Variants in SMIM9 observed in about 807,000 individuals in gnomAD.
The protein encoded by SMIM9 is chromosome X open reading frame 68.
Under a neutral mutation model 7.2 loss-of-function variants are expected in SMIM9, and 8 were observed. The ratio of observed to expected loss-of-function variants is 1.10; its 90% CI spans 0.65 to 1.99. The LOEUF (loss-of-function observed/expected upper bound fraction) is 1.99, where lower values mean the gene tolerates loss of function less well. Ranked by LOEUF, SMIM9 falls within the 30% of genes most tolerant of loss-of-function variation. The pLI is 0.00. For missense variants in SMIM9, 76 were observed against 69.3 expected (o/e 1.10, Z -0.34); for synonymous variants, 19 against 26.4 (o/e 0.72, Z 0.86).
intron 1 of SMIM9, among the ~76,000 whole-genome samples, chrX:154,833,518 G>T (rs1420975044): frequency 9.0e-6 from 1 of 111,270 alleles, no homozygotes; most frequent in African/African-American, 3.3e-5. Flanking sequence ...CCAGCTACTC[G>T]GGAGGCTGAG....
intron 1 of SMIM9, among the ~76,000 whole-genome samples, chrX:154,832,921 T>C (rs927292942): frequency 3.6e-5 from 4 of 112,509 alleles, no homozygotes; most frequent in Non-Finnish European, 7.5e-5. Context: ...AACATATATA[T>C]GTGGCATTTC....
At chrX:154,834,118 C>T (rs1416569470) in intron 1 of SMIM9, among the ~76,000 whole-genome samples, 1 of 112,543 alleles carries the variant, frequency 8.9e-6, no homozygotes, top group Non-Finnish European at 1.9e-5. Context: ...CTCATATGAG[C>T]TCCATACCCT....
chrX:154,830,453 T>C, intron 3 of SMIM9: 1 of 244,926 alleles, frequency 4.1e-6, no homozygotes, highest in Non-Finnish European at 7.3e-6. Flanking sequence ...CCATGGAAGG[T>C]TGGCATCTAT....
intron 1 of SMIM9, among the ~76,000 whole-genome samples, chrX:154,833,640 G>A (rs969276252): frequency 2.4e-4 from 26 of 109,871 alleles, no homozygotes; most frequent in African/African-American, 8.3e-4. Flanking sequence ...ATGGGTTGAT[G>A]GGTGCACCCA....
chrX:154,833,818 A>G (rs1265369400), intron 1 of SMIM9, among the ~76,000 whole-genome samples: 14 of 112,329 alleles, frequency 1.2e-4, no homozygotes, highest in African/African-American at 4.5e-4. Context: ...ATACTTATCC[A>G]TAGAAGAACT....
In SMIM9 at chrX:154,824,254, G is replaced by T. The variant is rs370439525; in HGVS notation, c.273-472C>A. ...CGCCTGTAGTCCCAGCTACTCGGGA[G>T]GCTGAGGCAGGAGAATGGCGTGAAC... On this transcript the variant is annotated intron_variant, in intron 4 of 4. Transcript: ENST00000369529. Among the ~76,000 whole-genome samples the T allele has an allele frequency of 1.1e-4, 12 of 107,660 alleles. No individual in the cohort carries two copies. The South Asian group carries it at 4.5e-3, about 41-fold the overall frequency. 93.5% of individuals were successfully genotyped at this position (107,660 alleles called of 115,157 possible). A position where few individuals can be genotyped will look rare whatever the true frequency, so the allele number is the denominator to read the frequency against.
chrX:154,824,371 A>AG (rs1270670561), intron 4 of SMIM9, among the ~76,000 whole-genome samples: 13 of 100,965 alleles, frequency 1.3e-4, no homozygotes, highest in East Asian at 5.7e-4. Flanking sequence ...AAAAAAAAAA[A>AG]AAAAAGAAAA....
intron 4 of SMIM9, among the ~76,000 whole-genome samples, chrX:154,828,384 C>G (rs1257203254): frequency 4.5e-5 from 5 of 111,490 alleles, no homozygotes; most frequent in Admixed American, 1.9e-4. Flanking sequence ...GAGAGACACA[C>G]AGCAGTCACT....
chrX:154,833,936 T>C (rs1173314642), intron 1 of SMIM9, among the ~76,000 whole-genome samples: 1 of 112,030 alleles, frequency 8.9e-6, no homozygotes, highest in Non-Finnish European at 1.9e-5. Context: ...TTTCTTGCTG[T>C]GTCATGCTAG....
At chrX:154,833,657 G>A (rs1378250040) in intron 1 of SMIM9, among the ~76,000 whole-genome samples, 13 of 109,826 alleles carry the variant, frequency 1.2e-4, no homozygotes, top group African/African-American at 3.7e-4. Flanking sequence ...CCCAACCACC[G>A]TGGCACATGT....
chrX:154,830,931 G>T lies in SMIM9; in HGVS notation c.-75C>A. 3.8e-6 allele frequency: 4 copies of T among 1,040,995 alleles called. No homozygotes were observed. In the South Asian group the frequency reaches 7.6e-5, roughly 20 times the overall value. The allele number at this position is 1,040,995 out of a possible 1,213,427, so 85.8% of individuals were successfully genotyped here. A position where few individuals can be genotyped will look rare whatever the true frequency, so the allele number is the denominator to read the frequency against. On this transcript the variant is annotated 5_prime_UTR_variant, in exon 3 of 5. Coordinates refer to ENST00000369529, the MANE Select transcript of SMIM9 (RefSeq NM_001162936.4). ...CTGCCAAGGAGAGATGTCTTTGTCC[G>T]TAGGTCTTTCCACAGAAACTTTGTC...
At chrX:154,831,993 A>G (rs1289267081) in intron 2 of SMIM9, among the ~76,000 whole-genome samples, 2 of 111,071 alleles carry the variant, frequency 1.8e-5, no homozygotes, top group Admixed American at 9.7e-5. Context: ...TTACTTTATT[A>G]TATGTATCTC....
At chrX:154,828,187 T>A (rs185381475) in intron 4 of SMIM9, among the ~76,000 whole-genome samples, 1 of 111,984 alleles carries the variant, frequency 8.9e-6, no homozygotes, top group Admixed American at 9.5e-5. Context: ...CTCATCACTG[T>A]GTCCAGCTCA....
chrX:154,832,596 G>A lies in SMIM9; in HGVS notation c.-122C>T, dbSNP rs1423518359. ...TACCTGAAAATGGACTTAGGACCACGGAATTCAAAGAAACCAGTGGAATTA... is the reference window on the plus strand; with the variant it reads ...TACCTGAAAATGGACTTAGGACCACAGAATTCAAAGAAACCAGTGGAATTA... On this transcript the variant is annotated 5_prime_UTR_variant, in exon 2 of 5. Coordinates refer to ENST00000369529, the MANE Select transcript of SMIM9 (RefSeq NM_001162936.4). The A allele has an allele frequency of 5.4e-5, 6 of 111,852 alleles. No individual in the cohort carries two copies. Among genetic ancestry groups the A allele is most frequent in the African/African-American group, 9.7e-5 (3 of 30,774 alleles). 9.2% of individuals were successfully genotyped at this position (111,852 alleles called of 1,213,427 possible).
chrX:154,824,314 C>A (rs1240742629), intron 4 of SMIM9, among the ~76,000 whole-genome samples: 7 of 95,513 alleles, frequency 7.3e-5, no homozygotes, highest in South Asian at 5.1e-4. Flanking sequence ...CGAGATCACG[C>A]CACTGCACTC....
chrX:154,825,927 GA>G (rs1349804919), intron 4 of SMIM9, among the ~76,000 whole-genome samples: 1 of 91,981 alleles, frequency 1.1e-5, no homozygotes, highest in African/African-American at 4.0e-5. Context: ...TTGTGGGGTG[GA>G]GGGAGGGGGG....
At chrX:154,824,263 A>T (rs1479710098) in intron 4 of SMIM9, among the ~76,000 whole-genome samples, 1 of 102,471 alleles carries the variant, frequency 9.8e-6, no homozygotes, top group Admixed American at 1.1e-4. Flanking sequence ...AGGCTGAGGC[A>T]GGAGAATGGC....
chrX:154,830,953 T>C lies in SMIM9; in HGVS notation c.-97A>G. On this transcript the variant is annotated splice_region_variant and 5_prime_UTR_variant, in exon 3 of 5. Transcript: ENST00000369529. Reference sequence around the variant, plus strand: ...TCCGTAGGTCTTTCCACAGAAACTTTGTCTGAAAAGTTAGACAATGATGGT... The same window carrying C: ...TCCGTAGGTCTTTCCACAGAAACTTCGTCTGAAAAGTTAGACAATGATGGT... The C allele has an allele frequency of 2.1e-6, 2 of 970,158 alleles. No individual in the cohort carries two copies. Among genetic ancestry groups the C allele is most frequent in the East Asian group, 3.4e-5 (1 of 29,180 alleles). 80.0% of individuals were successfully genotyped at this position (970,158 alleles called of 1,213,427 possible).
intron 3 of SMIM9, among the ~76,000 whole-genome samples, chrX:154,830,298 T>C (rs1396891786): frequency 8.9e-6 from 1 of 112,013 alleles, no homozygotes; most frequent in Non-Finnish European, 1.9e-5. Context: ...TTGAATAGCA[T>C]GTGTGTGCAT....
Sources: allele counts gnomAD v4.1 joint callset (sites outside exome capture counted in the v4.1 genomes callset), GRCh38; gene constraint gnomAD v4.1.1; transcripts MANE v1.5; gene names NCBI Gene and HGNC (gene_info 2026-07-23, HGNC 2026-07-21).